DYNC2H1: variants seen among roughly 807,000 people sequenced by gnomAD.
DYNC2H1 encodes the protein cytoplasmic dynein 2 heavy chain 1.
Under a neutral mutation model 570.0 loss-of-function variants are expected in DYNC2H1, and 410 were observed. The observed-to-expected ratio is 0.72, with a 90% CI of 0.66 to 0.78. The LOEUF (loss-of-function observed/expected upper bound fraction) is 0.78. Among genes scored for constraint, DYNC2H1 ranks in the 30% least tolerant of loss-of-function variants. The pLI, the probability that DYNC2H1 is intolerant of heterozygous loss-of-function variation, is 0.00. For synonymous variants in DYNC2H1, 1,688 were observed against 1,677.6 expected, an observed-to-expected ratio of 1.01 and a Z score of -0.15; for missense variants, 4,865 against 5,046.4, an observed-to-expected ratio of 0.96 and a Z score of 1.09.
In DYNC2H1 at chr11:103,468,576, G is replaced by T; in HGVS notation, c.12649-13G>T. 6.3e-7 allele frequency: 1 copy of T among 1,597,442 alleles called. No individual in the cohort carries two copies. ...TAATGCATATTTTCATGACATATTT[G>T]TTTCCATGGCAGATCAGTGGCTTGT... On this transcript the variant is annotated splice_polypyrimidine_tract_variant and intron_variant, in intron 87 of 88. Transcript: ENST00000375735.
Position 103,268,584 on chromosome 11 carries a change from A to G in DYNC2H1, c.10695+8607A>G, listed in dbSNP as rs1474178304. On this transcript the variant is annotated intron_variant, in intron 70 of 88. Transcript: ENST00000375735. This position sits in a 1 kb window ranked among gnomAD's most constrained non-coding sequence, Gnocchi z 4.6. ...TTTCGTTATTGGTCAGTCTTGTAAT[A>G]ATGTGTTTAATGGTTTTTAAATTTT... Among the ~76,000 whole-genome samples, 2 of 152,052 alleles carry G rather than the reference A, an allele frequency of 1.3e-5. No individual in the cohort carries two copies. Among genetic ancestry groups the G allele is most frequent in the East Asian group, 3.9e-4 (2 of 5,188 alleles).
At chr11:103,147,929 T>A in intron 19 of DYNC2H1, 42 bp downstream of exon 19, 1 of 1,290,940 alleles carries the variant, frequency 7.7e-7, no homozygotes, top group Non-Finnish European at 1.1e-6. Flanking sequence ...TAATTTGATA[T>A]GTAGAAGCAT....
chr11:103,424,172 T>C (rs1390196548), intron 84 of DYNC2H1, among the ~76,000 whole-genome samples: 4 of 152,186 alleles, frequency 2.6e-5, no homozygotes, highest in Non-Finnish European at 5.9e-5. Flanking sequence ...TTAGTGGTTA[T>C]GCTTGTACAA....
Position 103,179,459 on chromosome 11 carries a change from G to T in DYNC2H1, c.6347+226G>T, listed in dbSNP as rs189265317. Among the ~76,000 whole-genome samples, 499 of 151,756 alleles carry T rather than the reference G, an allele frequency of 3.3e-3. 2 individuals carry two copies. Among genetic ancestry groups the T allele is most frequent in the African/African-American group, 0.011 (476 of 41,488 alleles). On this transcript the variant is annotated intron_variant, in intron 39 of 88. Coordinates refer to ENST00000375735, the MANE Select transcript of DYNC2H1 (RefSeq NM_001377.3). ...TATCACAATTATGAAATAATTATTT[G>T]TTTAAATGAAACAGCAAGAAAATTT...
chr11:103,111,747 T>G (rs1731337145), intron 1 of DYNC2H1, among the ~76,000 whole-genome samples: 1 of 152,214 alleles, frequency 6.6e-6, no homozygotes, highest in Non-Finnish European at 1.5e-5. Flanking sequence ...ATCTGTTATT[T>G]TTAGTTGTAC....
intron 55 of DYNC2H1, among the ~76,000 whole-genome samples, chr11:103,217,536 A>G (rs564864065): frequency 6.6e-6 from 1 of 152,292 alleles, no homozygotes; most frequent in South Asian, 2.1e-4. Context: ...CCAGGTAGAG[A>G]GAGAAAAAGC....
intron 57 of DYNC2H1, among the ~76,000 whole-genome samples, chr11:103,221,433 T>C (rs1208155897): frequency 6.6e-6 from 1 of 152,216 alleles, no homozygotes; most frequent in Non-Finnish European, 1.5e-5. Flanking sequence ...TTGCATATCC[T>C]AGAACATATG....
Position 103,135,731 on chromosome 11 carries a change from T to A in DYNC2H1, c.2357T>A (p.Leu786Ter). 1.2e-6 allele frequency: 2 copies of A among 1,609,918 alleles called. No individual in the cohort carries two copies. The highest frequency in any genetic ancestry group is 1.1e-5 in the South Asian group (1 of 90,128). The stretch of plus-strand genomic sequence containing the variant: ...TTATTTACTTTTAGACAGGGACGAT[T>A]ACAATTCAGGCCCCCTTTTGAAGAA... ...NIDLTYKQGR[L>*]QFRPPFEEIR... The change falls in exon 17 of 89, where the codon TTA becomes TAA. Residue 786 changes from leucine to a stop codon, truncating the protein, a stop_gained. Coordinates refer to ENST00000375735, the MANE Select transcript of DYNC2H1 (RefSeq NM_001377.3). LOFTEE classifies it high-confidence loss of function.
At chr11:103,132,366 A>G (rs1859323622) in intron 13 of DYNC2H1, among the ~76,000 whole-genome samples, 1 of 151,078 alleles carries the variant, frequency 6.6e-6, no homozygotes, top group Non-Finnish European at 1.5e-5. Context: ...TTTTTTCTTG[A>G]GATTTTCTGT....
intron 52 of DYNC2H1, among the ~76,000 whole-genome samples, chr11:103,206,397 C>T (rs1862925616): frequency 1.3e-5 from 2 of 152,038 alleles, no homozygotes. Flanking sequence ...AAATATAAGC[C>T]TGGAGCTCCA....
chr11:103,230,434 T>G (rs12276671), intron 59 of DYNC2H1, among the ~76,000 whole-genome samples: 9,848 of 152,204 alleles, frequency 0.065, 1,063 homozygotes, highest in African/African-American at 0.22. Flanking sequence ...TAAAAGAATC[T>G]TTTTATCTTT....
chr11:103,132,364 T>C (rs1162281845), intron 13 of DYNC2H1, among the ~76,000 whole-genome samples: 1 of 152,068 alleles, frequency 6.6e-6, no homozygotes, highest in East Asian at 1.9e-4. Context: ...TATTTTTTCT[T>C]GAGATTTTCT....
rs184460710 is a variant in DYNC2H1, at chr11:103,157,697, T to G, written c.4127+927T>G. ...CCTTCTGACTTGCTCTTGTATAATA[T>G]AAGTTTTTCACACAACAGCCAGAGT... On this transcript the variant is annotated intron_variant, in intron 26 of 88. Coordinates refer to ENST00000375735, the MANE Select transcript of DYNC2H1 (RefSeq NM_001377.3). The surrounding 1 kb of genome is among the most constrained non-coding windows in gnomAD (Gnocchi z 4.2). Among the ~76,000 whole-genome samples the G allele has an allele frequency of 1.3e-5, 2 of 152,224 alleles. No individual in the cohort carries two copies. The highest frequency in any genetic ancestry group is 2.9e-5 in the Non-Finnish European group (2 of 68,040).
rs367806615 is a variant in DYNC2H1 at position 103,225,910 on chromosome 11, A to G, written c.9353+2824A>G. Among the ~76,000 whole-genome samples, 6 of 149,836 alleles carry G rather than the reference A, an allele frequency of 4.0e-5. No homozygotes were observed. In the East Asian group the frequency reaches 9.8e-4, roughly 24 times the overall value. On this transcript the variant is annotated intron_variant, in intron 59 of 88. Transcript: ENST00000375735. The stretch of plus-strand genomic sequence containing the variant: ...ATGGGATATGTTTCCATTTGTTTGT[A>G]TCATTTGTTTGTAACCATATCCTTG...
intron 20 of DYNC2H1, among the ~76,000 whole-genome samples, chr11:103,149,384 G>A (rs2134859604): frequency 6.6e-6 from 1 of 152,274 alleles, no homozygotes; most frequent in South Asian, 2.1e-4. Context: ...ACAAGCCAAA[G>A]TTTTATAACA....
At chr11:103,210,022 A>G in intron 53 of DYNC2H1, 62 bp downstream of exon 53, 2 of 1,370,854 alleles carry the variant, frequency 1.5e-6, no homozygotes, top group African/African-American at 1.5e-5. Context: ...GCCGTTTTTA[A>G]TGCTACAGAT....
At chr11:103,453,849 T>G (rs1050072101) in intron 85 of DYNC2H1, among the ~76,000 whole-genome samples, 7 of 151,788 alleles carry the variant, frequency 4.6e-5, no homozygotes, top group Non-Finnish European at 1.0e-4. Flanking sequence ...CGAAAGAAAT[T>G]AGCAGATAAT....
chr11:103,471,892 G>A (rs1241449490), intron 88 of DYNC2H1, among the ~76,000 whole-genome samples: 1 of 152,192 alleles, frequency 6.6e-6, no homozygotes, highest in Non-Finnish European at 1.5e-5. Context: ...ACTCTACCAT[G>A]TGTGAACAAT....
At chr11:103,188,969 A>C (rs576323711) in intron 44 of DYNC2H1, among the ~76,000 whole-genome samples, 1 of 152,236 alleles carries the variant, frequency 6.6e-6, no homozygotes, top group East Asian at 1.9e-4. Flanking sequence ...TTCATGAAAC[A>C]AAAATACCAT....
Sources: gnomAD v4.1 joint callset for allele counts (sites outside exome capture counted in the v4.1 genomes callset) on GRCh38, gnomAD v4.1.1 for gene constraint, Gnocchi (gnomAD v3.1) non-coding constraint, MANE v1.5 for transcripts, NCBI Gene and HGNC (gene_info 2026-07-23, HGNC 2026-07-21) for gene names.